Variants in B4GALT2 observed in about 807,000 individuals in gnomAD.
B4GALT2 encodes N-acetyllactosamine synthase.
B4GALT2 carries 18 observed loss-of-function variants against 33.2 expected under a neutral mutation model. The observed-to-expected ratio is 0.54, with a 90% CI of 0.38 to 0.80. The LOEUF (loss-of-function observed/expected upper bound fraction) is 0.80, where lower values mean the gene tolerates loss of function less well. B4GALT2 is among the 30% of genes least tolerant of loss of function. The pLI is 0.00. For missense variants in B4GALT2, 404 were observed against 526.2 expected, an observed-to-expected ratio of 0.77 and a Z score of 2.27; for synonymous variants, 214 against 217.6, an observed-to-expected ratio of 0.98 and a Z score of 0.15.
chr1:43,985,699 A>C (rs1313355562), intron 6 of B4GALT2, 78 bp downstream of exon 6: 13 of 1,379,500 alleles, frequency 9.4e-6, no homozygotes, highest in Non-Finnish European at 1.3e-5. Flanking sequence ...AAGTGGCCCA[A>C]TCCCTGATCC....
In B4GALT2 at chr1:43,984,876, C is replaced by G. The variant is rs140099973; in HGVS notation, c.561C>G (p.Asp187Glu). 3.1e-6 allele frequency: 5 copies of G among 1,613,616 alleles called. No homozygotes were observed. In the African/African-American group the frequency reaches 6.7e-5, roughly 22 times the overall value. The change falls in exon 4 of 7, where the codon GAC (aspartate) becomes GAG (glutamate). Residue 187 changes from aspartate to glutamate, a missense_variant. Coordinates refer to ENST00000372324, the MANE Select transcript of B4GALT2 (RefSeq NM_003780.5). This position sits in a 1 kb window ranked among gnomAD's most constrained non-coding sequence, Gnocchi z 5.6. ...GVYVINQHGE[D>E]TFNRAKLLNV... ...CTCCCCCTACCCAGCATGGTGAGGA[C>G]ACCTTCAACCGGGCCAAGCTGCTTA...
rs971511432 is a variant in B4GALT2 at position 43,985,529 on chromosome 1, T to G, written c.876T>G (p.Thr292=). 5 of 1,612,972 alleles carry G rather than the reference T, an allele frequency of 3.1e-6. No individual in the cohort carries two copies. Among genetic ancestry groups the G allele is most frequent in the Non-Finnish European group, 4.2e-6 (5 of 1,179,780 alleles). ...DDDIFNRISL[T]GMKISRPDIR... is the part of the protein sequence containing the mutation. ...TCCCCATCCTCAGGATCTCCCTGAC[T>G]GGGATGAAGATCTCACGCCCAGACA... is the stretch of plus-strand genomic sequence containing the variant. The change falls in exon 6 of 7, where the codon ACT becomes ACG. Residue 292 remains threonine, a synonymous_variant. Transcript: ENST00000372324.
intron 6 of B4GALT2, 128 bp downstream of exon 6, chr1:43,985,749 G>A (rs1002956689): frequency 2.5e-6 from 2 of 799,104 alleles, no homozygotes; most frequent in South Asian, 1.6e-5. Flanking sequence ...CTCCAAAAAG[G>A]TGACTCCCAG....
chr1:43,990,550 G>A lies in B4GALT2; in HGVS notation c.*102G>A. On this transcript the variant is annotated 3_prime_UTR_variant, in exon 7 of 7. Transcript: ENST00000372324. Reference sequence around the variant, plus strand: ...GTGGAGGACCTCCAGGACTGAGACTGGGCTCTGTTTTCCAAGGGTCTTCAC... The same window carrying A: ...GTGGAGGACCTCCAGGACTGAGACTAGGCTCTGTTTTCCAAGGGTCTTCAC... 6.7e-7 allele frequency: 1 copy of A among 1,501,972 alleles called. No individual in the cohort carries two copies. The highest frequency in any genetic ancestry group is 9.1e-7 in the Non-Finnish European group (1 of 1,099,860). The allele number at this position is 1,501,972 out of a possible 1,614,324, so 93.0% of individuals were successfully genotyped here.
At chr1:43,989,603 C>T (rs2085700433) in intron 6 of B4GALT2, among the ~76,000 whole-genome samples, 1 of 152,182 alleles carries the variant, frequency 6.6e-6, no homozygotes, top group South Asian at 2.1e-4. Flanking sequence ...TCCATGTTCA[C>T]CTTGGGGTGG....
In B4GALT2 at chr1:43,990,441, G is replaced by C; in HGVS notation, c.1112G>C (p.Arg371Pro). ...DIGRPPSWPP[R>P]G ...GGGCGGCCTCCGTCGTGGCCCCCTCGGGGCTGACACTAATGGACAGAGGCT... is the reference window on the plus strand; with the variant it reads ...GGGCGGCCTCCGTCGTGGCCCCCTCCGGGCTGACACTAATGGACAGAGGCT... The change falls in exon 7 of 7, where the codon CGG (arginine) becomes CCG (proline). Residue 371 changes from arginine to proline, a missense_variant. Coordinates refer to ENST00000372324, the MANE Select transcript of B4GALT2 (RefSeq NM_003780.5). 6.2e-7 allele frequency: 1 copy of C among 1,614,088 alleles called. No individual in the cohort carries two copies.
chr1:43,990,430 G>A lies in B4GALT2; in HGVS notation c.1101G>A (p.Ser367=), dbSNP rs749502110. ...CAGTGGACATTGGGCGGCCTCCGTCGTGGCCCCCTCGGGGCTGACACTAAT... is the reference window on the plus strand; with the variant it reads ...CAGTGGACATTGGGCGGCCTCCGTCATGGCCCCCTCGGGGCTGACACTAAT... ...NITVDIGRPP[S]WPPRG The change falls in exon 7 of 7, where the codon TCG becomes TCA. Residue 367 remains serine (S), a synonymous_variant. Transcript: ENST00000372324. 4 of 1,614,012 alleles carry A rather than the reference G, an allele frequency of 2.5e-6. No homozygotes were observed. Among genetic ancestry groups the A allele is most frequent in the East Asian group, 2.2e-5 (1 of 44,896 alleles).
chr1:43,988,364 A>G (rs112138526), intron 6 of B4GALT2, among the ~76,000 whole-genome samples: 82 of 151,448 alleles, frequency 5.4e-4, no homozygotes, highest in African/African-American at 1.9e-3. Context: ...TACAAAAAAA[A>G]AAAAAAAAAA....
intron 6 of B4GALT2, among the ~76,000 whole-genome samples, chr1:43,989,339 AT>A (rs1292851268): frequency 3.3e-5 from 5 of 150,770 alleles, no homozygotes; most frequent in African/African-American, 4.9e-5. Context: ...AAAAAAAAAA[AT>A]CACTAGATCA....
rs991769410 is a variant in B4GALT2 at position 43,984,006 on chromosome 1, G to A, written c.550-859G>A. On this transcript the variant is annotated intron_variant, in intron 3 of 6. Coordinates refer to ENST00000372324, the MANE Select transcript of B4GALT2 (RefSeq NM_003780.5). The surrounding 1 kb of genome is among the most constrained non-coding windows in gnomAD (Gnocchi z 5.6). ...CCAGGAACCTTTCTGGTTCTAGCCT[G>A]GAGACTGCAGGTTGGGGCAGGGGCT... Among the ~76,000 whole-genome samples, 4 of 152,212 alleles carry A rather than the reference G, an allele frequency of 2.6e-5. No homozygotes were observed. The highest frequency in any genetic ancestry group is 9.6e-5 in the African/African-American group (4 of 41,458).
Position 43,990,652 on chromosome 1 carries a change from G to C in B4GALT2, c.*204G>C, listed in dbSNP as rs2085720919. 1 of 676,986 alleles carries C rather than the reference G, an allele frequency of 1.5e-6. No individual in the cohort carries two copies. 41.9% of individuals were successfully genotyped at this position (676,986 alleles called of 1,614,324 possible). On this transcript the variant is annotated 3_prime_UTR_variant, in exon 7 of 7. Coordinates refer to ENST00000372324, the MANE Select transcript of B4GALT2 (RefSeq NM_003780.5). ...CTGCCTGGGCAGGCTCTTCAAGTGTGGCCCTCTTTGGAGTCAACCCTCCTT... is the reference window on the plus strand; with the variant it reads ...CTGCCTGGGCAGGCTCTTCAAGTGTCGCCCTCTTTGGAGTCAACCCTCCTT...
intron 4 of B4GALT2, 77 bp from the exon 5 acceptor site, chr1:43,985,201 C>T: frequency 3.8e-6 from 6 of 1,562,422 alleles, no homozygotes; most frequent in Non-Finnish European, 5.2e-6. Flanking sequence ...ATTGGACATT[C>T]CCCCCGACCT....
At chr1:43,980,194 G>A in intron 1 of B4GALT2, 1 of 868,826 alleles carries the variant, frequency 1.2e-6, no homozygotes, top group Admixed American at 3.9e-5. Context: ...CTGAAGCACT[G>A]CCAGAAGTGG....
At chr1:43,987,697 A>AT (rs1303069989) in intron 6 of B4GALT2, among the ~76,000 whole-genome samples, 1 of 152,162 alleles carries the variant, frequency 6.6e-6, no homozygotes, top group African/African-American at 2.4e-5. Flanking sequence ...TGGGTTAAAC[A>AT]TTTCTCAGAG....
rs2085574682 is a variant in B4GALT2, at chr1:43,979,865, C to T, written c.-53+354C>T. 1.2e-6 allele frequency: 1 copy of T among 840,272 alleles called. No homozygotes were observed. The highest frequency in any genetic ancestry group is 1.8e-6 in the Non-Finnish European group (1 of 545,432). The allele number at this position is 840,272 out of a possible 1,614,324, so 52.1% of individuals were successfully genotyped here. A position where few individuals can be genotyped will look rare whatever the true frequency, so the allele number is the denominator to read the frequency against. ...ACCCGGTCTGTGCGGCCTGCCCGTC[C>T]GCGGGTGCCACGTGTTCAGCCTGCC... is the stretch of plus-strand genomic sequence containing the variant. On this transcript the variant is annotated intron_variant, in intron 1 of 6. Coordinates refer to ENST00000372324, the MANE Select transcript of B4GALT2 (RefSeq NM_003780.5). The surrounding 1 kb of genome is among the most constrained non-coding windows in gnomAD (Gnocchi z 4.8).
rs766089438 is a variant in B4GALT2 at position 43,981,302 on chromosome 1, C to G, written c.142C>G (p.Arg48Gly). 5 of 1,604,580 alleles carry G rather than the reference C, an allele frequency of 3.1e-6. No individual in the cohort carries two copies. The highest frequency in any genetic ancestry group is 3.4e-6 in the Non-Finnish European group (4 of 1,179,888). The change falls in exon 2 of 7, where the codon CGA becomes GGA. Residue 48 changes from arginine (R) to glycine (G), a missense_variant. By Grantham distance (125) the Arg-to-Gly change is moderately radical. Coordinates refer to ENST00000372324, the MANE Select transcript of B4GALT2 (RefSeq NM_003780.5). The surrounding 1 kb of genome is among the most constrained non-coding windows in gnomAD (Gnocchi z 8.1). ...HLAFFSRFSARGPAHALHPAA... is the reference protein window; with the variant it reads ...HLAFFSRFSAGGPAHALHPAA... ...GGCCTTCTTCAGCCGCTTCAGTGCC[C>G]GAGGCCCTGCCCATGCCCTCCACCC...
chr1:43,981,935 G>C lies in B4GALT2; in HGVS notation c.549+11G>C. On this transcript the variant is annotated intron_variant, in intron 3 of 6. Transcript: ENST00000372324. This position sits in a 1 kb window ranked among gnomAD's most constrained non-coding sequence, Gnocchi z 8.1. ...TATGTCATCAACCAGGTGCCCATGC[G>C]GGGGTCCATGTGCCTGTTGGTGTAT... The C allele has an allele frequency of 1.2e-6, 2 of 1,612,218 alleles. No homozygotes were observed. Among genetic ancestry groups the C allele is most frequent in the South Asian group, 1.1e-5 (1 of 91,034 alleles).
At chr1:43,985,807 A>G in intron 6 of B4GALT2, 186 bp downstream of exon 6, 1 of 617,646 alleles carries the variant, frequency 1.6e-6, no homozygotes, top group Non-Finnish European at 2.9e-6. Flanking sequence ...GACTGCTGGC[A>G]CCCCTGATCG....
intron 3 of B4GALT2, among the ~76,000 whole-genome samples, chr1:43,983,429 G>A (rs1016818090): frequency 6.6e-6 from 1 of 152,182 alleles, no homozygotes; most frequent in African/African-American, 2.4e-5. Flanking sequence ...TGTCAGGAAG[G>A]AGACATGGCA....
Sources: allele counts gnomAD v4.1 joint callset (sites outside exome capture counted in the v4.1 genomes callset), GRCh38; gene constraint gnomAD v4.1.1; non-coding constraint Gnocchi (gnomAD v3.1); transcripts MANE v1.5; gene names NCBI Gene and HGNC (gene_info 2026-07-23, HGNC 2026-07-21).